The following CHL1 variants were observed in gnomAD, a reference collection of about 807,000 sequenced individuals.
CHL1 encodes the protein neural cell adhesion molecule L1-like protein.
In CHL1, 96 loss-of-function variants were observed where a neutral mutation model predicts 141.9. The observed-to-expected ratio is 0.68, with a 90% CI of 0.57 to 0.80. The LOEUF (loss-of-function observed/expected upper bound fraction) is 0.80. Among genes scored for constraint, CHL1 ranks in the 30% least tolerant of loss-of-function variants. CHL1 has a pLI of 0.00. For missense variants in CHL1, 1,820 were observed against 1,457.2 expected, an observed-to-expected ratio of 1.25 and a Z score of -4.05; for synonymous variants, 613 against 502.2, an observed-to-expected ratio of 1.22 and a Z score of -2.95.
chr3:316,747 C>G, intron 2 of CHL1, among the ~76,000 whole-genome samples: 1 of 151,670 alleles, frequency 6.6e-6, no homozygotes, highest in East Asian at 1.9e-4. Context: ...ATCAAAACAT[C>G]TCATGTACCC....
At chr3:224,785 C>T (rs1465326707) in intron 1 of CHL1, among the ~76,000 whole-genome samples, 1 of 152,136 alleles carries the variant, frequency 6.6e-6, no homozygotes, top group East Asian at 1.9e-4. Flanking sequence ...ACGTAGCTTC[C>T]CTGTTGGCTA....
At chr3:350,037 C>T (rs1030486541) in intron 10 of CHL1, among the ~76,000 whole-genome samples, 2 of 152,162 alleles carry the variant, frequency 1.3e-5, no homozygotes, top group Non-Finnish European at 2.9e-5. Context: ...TCAGCTCTTT[C>T]CTGCATATAA....
intron 24 of CHL1, among the ~76,000 whole-genome samples, chr3:395,109 C>T (rs992165314): frequency 6.6e-6 from 1 of 152,146 alleles, no homozygotes; most frequent in African/African-American, 2.4e-5. Context: ...CAAATTATAG[C>T]TTAGTGTATA....
chr3:284,593 A>T (rs1416465372), intron 2 of CHL1, among the ~76,000 whole-genome samples: 2 of 152,226 alleles, frequency 1.3e-5, no homozygotes, highest in Non-Finnish European at 2.9e-5. Flanking sequence ...AGACATGCAG[A>T]CCTTAAAATA....
At chr3:231,537 T>G (rs1419190156) in intron 1 of CHL1, among the ~76,000 whole-genome samples, 2 of 151,918 alleles carry the variant, frequency 1.3e-5, no homozygotes, top group Non-Finnish European at 2.9e-5. Context: ...CATTGAAATT[T>G]TCAGTTGGGA....
chr3:361,501 C>G (rs1359176786), intron 12 of CHL1, among the ~76,000 whole-genome samples, 198 bp from the exon 13 acceptor site: 3 of 151,992 alleles, frequency 2.0e-5, no homozygotes, highest in Admixed American at 2.0e-4. Context: ...CCAGAATCTA[C>G]AATGAACTCA....
At chr3:377,109 T>C (rs191453606) in intron 15 of CHL1, among the ~76,000 whole-genome samples, 1 of 152,192 alleles carries the variant, frequency 6.6e-6, no homozygotes, top group African/African-American at 2.4e-5. Context: ...AAAAATACTT[T>C]AATAGTTATC....
In CHL1 at chr3:230,083, T is replaced by A. The variant is rs187346359; in HGVS notation, c.-174-14530T>A. On this transcript the variant is annotated intron_variant, in intron 1 of 27. Coordinates refer to ENST00000256509, the MANE Select transcript of CHL1 (RefSeq NM_006614.4). ...TTAAAATGTGTCCTGAGTGACAAAC[T>A]GGCCCCCACTGGAAGAACTCTTTAA... Among the ~76,000 whole-genome samples, 8 of 152,318 alleles carry A rather than the reference T, an allele frequency of 5.3e-5. No individual in the cohort carries two copies. In the East Asian group the frequency reaches 1.5e-3, roughly 29 times the overall value.
chr3:313,273 G>A (rs1035231986), intron 2 of CHL1, among the ~76,000 whole-genome samples: 1 of 152,008 alleles, frequency 6.6e-6, no homozygotes, highest in Non-Finnish European at 1.5e-5. Flanking sequence ...AACTGTTTGT[G>A]AATAATTATT....
At chr3:218,841 T>C (rs1025688340) in intron 1 of CHL1, among the ~76,000 whole-genome samples, 2 of 152,032 alleles carry the variant, frequency 1.3e-5, no homozygotes, top group African/African-American at 4.8e-5. Context: ...GTCAGAATGG[T>C]TATAATTGAA....
At chr3:232,104 G>A (rs552797593) in intron 1 of CHL1, among the ~76,000 whole-genome samples, 12 of 151,950 alleles carry the variant, frequency 7.9e-5, no homozygotes, top group Non-Finnish European at 1.5e-4. Flanking sequence ...GTTATGCTTG[G>A]AATTCGTATA....
At chr3:229,122 G>A (rs913337197) in intron 1 of CHL1, among the ~76,000 whole-genome samples, 1 of 152,228 alleles carries the variant, frequency 6.6e-6, no homozygotes, top group Admixed American at 6.5e-5. Flanking sequence ...TTAGCCCCAT[G>A]TGTTGTTTCC....
At chr3:290,976 A>C (rs1235238039) in intron 2 of CHL1, among the ~76,000 whole-genome samples, 1 of 151,850 alleles carries the variant, frequency 6.6e-6, no homozygotes, top group African/African-American at 2.4e-5. Flanking sequence ...AAAAAAGTTA[A>C]AACCACCAAA....
At chr3:399,720 C>T (rs1237450940) in intron 26 of CHL1, among the ~76,000 whole-genome samples, 3 of 152,176 alleles carry the variant, frequency 2.0e-5, no homozygotes, top group African/African-American at 7.2e-5. Context: ...TGTAAAATAT[C>T]AGCGTCGTTG....
chr3:361,143 G>A (rs1263671705), intron 12 of CHL1, among the ~76,000 whole-genome samples: 1 of 151,708 alleles, frequency 6.6e-6, no homozygotes, highest in Non-Finnish European at 1.5e-5. Flanking sequence ...TTTAATAAAT[G>A]GTGCTGGGAA....
intron 2 of CHL1, among the ~76,000 whole-genome samples, chr3:269,737 G>A (rs1005705081): frequency 6.6e-6 from 1 of 152,108 alleles, no homozygotes; most frequent in Non-Finnish European, 1.5e-5. Context: ...TGTTGGTCAC[G>A]CTGGTCTCAA....
chr3:394,705 A>G lies in CHL1; in HGVS notation c.2927A>G (p.Tyr976Cys). Residue 976 changes from tyrosine (Y) to cysteine (C), a missense_variant, in exon 24 of 28, where the codon TAC becomes TGC. Physicochemically the swap from Tyr to Cys is radical, Grantham distance 194. Coordinates refer to ENST00000256509, the MANE Select transcript of CHL1 (RefSeq NM_006614.4). ...TTTATTTTTTTAGTAAATGACACCT[A>G]CGAGATTGGAGAATTAAATGATATT... ...LLQYQIINDT[Y>C]EIGELNDINI... The G allele has an allele frequency of 6.2e-7, 1 of 1,610,136 alleles. No individual in the cohort carries two copies. The highest frequency in any genetic ancestry group is 8.5e-7 in the Non-Finnish European group (1 of 1,178,200).
intron 2 of CHL1, among the ~76,000 whole-genome samples, chr3:307,137 G>A (rs945889878): frequency 6.6e-6 from 1 of 152,068 alleles, no homozygotes; most frequent in Non-Finnish European, 1.5e-5. Context: ...CTTTTTATAG[G>A]TATCAATATT....
intron 14 of CHL1, among the ~76,000 whole-genome samples, chr3:364,875 A>G (rs1418356317): frequency 6.6e-6 from 1 of 152,222 alleles, no homozygotes; most frequent in African/African-American, 2.4e-5. Flanking sequence ...ATAAAATGCC[A>G]CAATGAATAT....
Sources: gnomAD v4.1 joint callset for allele counts (sites outside exome capture counted in the v4.1 genomes callset) on GRCh38, gnomAD v4.1.1 for gene constraint, MANE v1.5 for transcripts, NCBI Gene and HGNC (gene_info 2026-07-23, HGNC 2026-07-21) for gene names.